Variants in ROBO2 observed in about 807,000 individuals in gnomAD.
ROBO2 encodes the protein roundabout guidance receptor 2.
In ROBO2, 53 loss-of-function variants were observed where a neutral mutation model predicts 160.8. That is an observed-to-expected ratio of 0.33 (90% confidence interval 0.26 to 0.41). The LOEUF is 0.41. Ranked by LOEUF, ROBO2 falls within the 10% of genes least tolerant of loss-of-function variation. The pLI is 1.00. For synonymous variants in ROBO2, 664 were observed against 611.7 expected (o/e 1.09, Z -1.26); for missense variants, 1,577 against 1,722.4 (o/e 0.92, Z 1.49).
exon 14 of ROBO2, chr3:77,574,536 T>C: frequency 6.2e-7 from 1 of 1,613,374 alleles, no homozygotes; most frequent in Non-Finnish European, 8.5e-7. Flanking sequence ...GGCTACCGAG[T>C]GATGTATCGT....
At chr3:77,355,816 A>C (rs528798502) in intron 2 of ROBO2, among the ~76,000 whole-genome samples, 6 of 152,292 alleles carry the variant, frequency 3.9e-5, no homozygotes, top group Admixed American at 2.6e-4. Context: ...CCATAATCAA[A>C]ACTGTAAAAG....
At chr3:76,723,712 G>A (rs1246386181) in intron 2 of ROBO2, among the ~76,000 whole-genome samples, 1 of 152,140 alleles carries the variant, frequency 6.6e-6, no homozygotes, top group Non-Finnish European at 1.5e-5. Context: ...GGTGACTGGT[G>A]GACACACTTT....
intron 2 of ROBO2, among the ~76,000 whole-genome samples, chr3:77,144,395 A>G (rs1407042361): frequency 6.6e-6 from 1 of 152,148 alleles, no homozygotes; most frequent in Non-Finnish European, 1.5e-5. Context: ...CTATGTGGAC[A>G]TCTCGACTCT....
chr3:77,605,167 G>GAA (rs11432494), intron 20 of ROBO2, among the ~76,000 whole-genome samples: 3 of 132,596 alleles, frequency 2.3e-5, no homozygotes, highest in South Asian at 2.4e-4. Flanking sequence ...CTGTCTCAAG[G>GAA]AAAAAAAAAA....
At chr3:76,149,100 G>A (rs1224626137) in intron 2 of ROBO2, among the ~76,000 whole-genome samples, 1 of 151,818 alleles carries the variant, frequency 6.6e-6, no homozygotes, top group Non-Finnish European at 1.5e-5. Context: ...TTGTGTGTGT[G>A]TGATAAAAAC....
intron 2 of ROBO2, among the ~76,000 whole-genome samples, chr3:76,683,125 A>G (rs182361474): frequency 6.6e-6 from 1 of 152,142 alleles, no homozygotes; most frequent in Admixed American, 6.6e-5. Context: ...TTACAAGGAA[A>G]AGGAGCAACA....
intron 2 of ROBO2, among the ~76,000 whole-genome samples, chr3:76,671,805 T>C: frequency 6.6e-6 from 1 of 152,220 alleles, no homozygotes; most frequent in East Asian, 1.9e-4. Flanking sequence ...TTTGTATTTT[T>C]AAAATAATTT....
intron 2 of ROBO2, among the ~76,000 whole-genome samples, chr3:77,272,683 T>C (rs971551380): frequency 6.6e-6 from 1 of 152,176 alleles, no homozygotes; most frequent in Non-Finnish European, 1.5e-5. Flanking sequence ...GATAGCATTG[T>C]CCACCAGTGA....
At chr3:76,529,836 G>T (rs2082132457) in intron 2 of ROBO2, among the ~76,000 whole-genome samples, 1 of 152,046 alleles carries the variant, frequency 6.6e-6, no homozygotes, top group Non-Finnish European at 1.5e-5. Context: ...AGGGAAGATT[G>T]ACTTAGTACC....
chr3:76,751,310 G>T (rs1399210206), intron 2 of ROBO2, among the ~76,000 whole-genome samples: 1 of 152,038 alleles, frequency 6.6e-6, no homozygotes, highest in Non-Finnish European at 1.5e-5. Context: ...ATTCAAGATG[G>T]ATTAAAGACT....
chr3:76,883,607 A>G (rs2073584134), intron 2 of ROBO2, among the ~76,000 whole-genome samples: 2 of 152,202 alleles, frequency 1.3e-5, no homozygotes, highest in Non-Finnish European at 2.9e-5. Context: ...AAGACAGTAA[A>G]TGGAAGAAGT....
intron 2 of ROBO2, among the ~76,000 whole-genome samples, chr3:77,454,901 T>A (rs1332121863): frequency 3.3e-5 from 5 of 152,218 alleles, no homozygotes; most frequent in Non-Finnish European, 7.3e-5. Flanking sequence ...GTTAGCTTTT[T>A]CTTATAGTGA....
rs986223715 is a variant in ROBO2 at position 76,907,034 on chromosome 3, T to A, written c.110-190980T>A. Among the ~76,000 whole-genome samples, 36 of 151,872 alleles carry A rather than the reference T, an allele frequency of 2.4e-4. No homozygotes were observed. The Middle Eastern group carries it at 0.014, about 58-fold the overall frequency. The stretch of plus-strand genomic sequence containing the variant: ...CTTCAAAGAAGACAGCATTTTTTTT[T>A]ATTTGTTTGTTTGTCTGTTTTGTTA... On this transcript the variant is annotated intron_variant, in intron 2 of 26. Coordinates refer to the ROBO2 transcript ENST00000487694.
chr3:76,400,795 T>C (rs986217355), intron 2 of ROBO2, among the ~76,000 whole-genome samples: 2 of 151,576 alleles, frequency 1.3e-5, no homozygotes, highest in Non-Finnish European at 1.5e-5. Flanking sequence ...AATTGAAGTG[T>C]TATTAATATT....
intron 19 of ROBO2, among the ~76,000 whole-genome samples, chr3:77,601,916 T>G (rs552776897): frequency 1.3e-5 from 2 of 152,296 alleles, no homozygotes; most frequent in East Asian, 3.9e-4. Flanking sequence ...AGTGAACAAC[T>G]GAAAGCATTT....
chr3:76,874,921 A>T (rs995672482), intron 2 of ROBO2, among the ~76,000 whole-genome samples: 1 of 152,190 alleles, frequency 6.6e-6, no homozygotes, highest in Non-Finnish European at 1.5e-5. Context: ...AACGGAATTC[A>T]TTCTGTCTGT....
At chr3:77,124,036 G>A (rs986116747) in intron 2 of ROBO2, among the ~76,000 whole-genome samples, 7 of 142,960 alleles carry the variant, frequency 4.9e-5, no homozygotes, top group East Asian at 2.2e-4. Flanking sequence ...TAAAACATAC[G>A]TGTGTAAAAC....
At chr3:77,580,265 A>C in intron 16 of ROBO2, 147 bp downstream of exon 17, 1 of 783,280 alleles carries the variant, frequency 1.3e-6, no homozygotes, top group Non-Finnish European at 2.2e-6. Context: ...AACTGACTAG[A>C]GTTTTTTACA....
At chr3:77,525,589 A>T (rs1387371948) in intron 6 of ROBO2, among the ~76,000 whole-genome samples, 1 of 151,210 alleles carries the variant, frequency 6.6e-6, no homozygotes, top group African/African-American at 2.4e-5. Context: ...TGGCTTAAAA[A>T]TGACAACACA....
Sources: gnomAD v4.1 joint callset for allele counts (sites outside exome capture counted in the v4.1 genomes callset) on GRCh38, gnomAD v4.1.1 for gene constraint, MANE v1.5 for transcripts, NCBI Gene and HGNC (gene_info 2026-07-23, HGNC 2026-07-21) for gene names.